TP63: variants seen among roughly 807,000 people sequenced by gnomAD.
TP63 encodes the protein tumor protein p63.
TP63 carries 17 observed loss-of-function variants against 82.8 expected under a neutral mutation model. The observed-to-expected ratio is 0.21, with a 90% CI of 0.14 to 0.31. The LOEUF is 0.31. Ranked by LOEUF, TP63 falls within the 10% of genes least tolerant of loss-of-function variation. The pLI is 1.00. For missense variants in TP63, 648 were observed against 895.3 expected, an observed-to-expected ratio of 0.72 and a Z score of 3.52; for synonymous variants, 330 against 321.7, an observed-to-expected ratio of 1.03 and a Z score of -0.28.
chr3:189,788,639 G>T (rs890853094), intron 3 of TP63, among the ~76,000 whole-genome samples: 9 of 151,912 alleles, frequency 5.9e-5, no homozygotes, highest in African/African-American at 2.2e-4. Context: ...CAAATACTCA[G>T]CAGTAAAGAG....
intron 4 of TP63, among the ~76,000 whole-genome samples, chr3:189,850,739 TA>T (rs1017674040): frequency 6.6e-6 from 1 of 151,918 alleles, no homozygotes; most frequent in Admixed American, 6.6e-5. Flanking sequence ...ATAATAAAAA[TA>T]AAAAAAATTT....
chr3:189,858,136 T>TTGGGCATTACA (rs1716530103), intron 4 of TP63, among the ~76,000 whole-genome samples: 1 of 73,948 alleles, frequency 1.4e-5, no homozygotes, highest in Admixed American at 1.0e-4. Context: ...CCGGGCGCGG[T>TTGGGCATTACA]GGCTCACGCC....
At chr3:189,645,282 C>A (rs565185267) in intron 1 of TP63, 3 of 421,722 alleles carry the variant, frequency 7.1e-6, no homozygotes, top group East Asian at 7.6e-5. Flanking sequence ...CTTCCACACA[C>A]CCTTTGGTCT....
chr3:189,807,641 A>G (rs571074942), intron 3 of TP63, among the ~76,000 whole-genome samples: 8 of 152,356 alleles, frequency 5.3e-5, no homozygotes, highest in African/African-American at 1.9e-4. Flanking sequence ...ATGATTTACT[A>G]GCATGTTACT....
intron 4 of TP63, among the ~76,000 whole-genome samples, chr3:189,810,546 C>G (rs916962136): frequency 6.6e-6 from 1 of 152,086 alleles, no homozygotes; most frequent in Middle Eastern, 3.2e-3. Flanking sequence ...CTGTCCCTTC[C>G]TCACTACCTC....
chr3:189,655,911 T>C (rs115184885), intron 1 of TP63, among the ~76,000 whole-genome samples: 2,075 of 152,214 alleles, frequency 0.014, 54 homozygotes, highest in African/African-American at 0.048. Context: ...ATACACAGAA[T>C]TTTTTCATAA....
In TP63 at chr3:189,759,848, A is replaced by G. The variant is rs181250560; in HGVS notation, c.324+21074A>G. Among the ~76,000 whole-genome samples the G allele has an allele frequency of 1.3e-3, 201 of 152,322 alleles. 1 individual carries two copies. Among genetic ancestry groups the G allele is most frequent in the African/African-American group, 4.4e-3 (185 of 41,574 alleles). On this transcript the variant is annotated intron_variant, in intron 3 of 13. Coordinates refer to ENST00000264731, the MANE Select transcript of TP63 (RefSeq NM_003722.5). ...CAAGACTGGGCAATTTACAAAAGAA[A>G]GAGGTTTATTGGACTTACAGTTCCA...
In TP63 at chr3:189,689,098, CTTTTTCTTTT is replaced by C. The variant is rs1233661326; in HGVS notation, c.63-48636_63-48627del. Among the ~76,000 whole-genome samples the C allele has an allele frequency of 2.4e-3, 205 of 85,120 alleles. 20 individuals are homozygous for C. The highest frequency in any genetic ancestry group is 7.1e-3 in the African/African-American group (164 of 23,174). The allele number at this position is 85,120 out of a possible 152,430, so 55.8% of individuals were successfully genotyped here. ...CAGAGTGGCCAGCATTCAAATCTAC[CTTTTTCTTTT>C]TTTTTTTTTTTTTTTTTTTTTTTTT... On this transcript the variant is annotated intron_variant, in intron 1 of 13. Coordinates refer to ENST00000264731, the MANE Select transcript of TP63 (RefSeq NM_003722.5).
At chr3:189,686,973 C>T (rs1279650937) in intron 1 of TP63, among the ~76,000 whole-genome samples, 1 of 152,082 alleles carries the variant, frequency 6.6e-6, no homozygotes, top group African/African-American at 2.4e-5. Flanking sequence ...TTGTGATCTA[C>T]CTGTCTCAGC....
intron 1 of TP63, among the ~76,000 whole-genome samples, chr3:189,650,610 C>T (rs1490458379): frequency 3.4e-5 from 5 of 147,268 alleles, no homozygotes; most frequent in Non-Finnish European, 1.5e-5. Flanking sequence ...GATGCATTTG[C>T]TTCCCATTCT....
chr3:189,635,986 C>A (rs1281399581), intron 1 of TP63, among the ~76,000 whole-genome samples: 1 of 152,116 alleles, frequency 6.6e-6, no homozygotes, highest in Admixed American at 6.6e-5. Flanking sequence ...CTAAGTTTCT[C>A]TGACTGAAAG....
intron 1 of TP63, 49 bp from the exon 2 acceptor site, chr3:189,737,691 G>A: frequency 6.3e-7 from 1 of 1,592,474 alleles, no homozygotes; most frequent in Non-Finnish European, 8.6e-7. Flanking sequence ...AATATTCAGT[G>A]TCATAAATAC....
intron 1 of TP63, among the ~76,000 whole-genome samples, chr3:189,705,103 A>C (rs1423869073): frequency 6.6e-6 from 1 of 152,240 alleles, no homozygotes; most frequent in East Asian, 1.9e-4. Flanking sequence ...TGTCATCATT[A>C]AAAATCCAAT....
chr3:189,770,601 T>C (rs66579885), intron 3 of TP63, among the ~76,000 whole-genome samples: 22,373 of 151,978 alleles, frequency 0.15, 1,931 homozygotes, highest in African/African-American at 0.24. Context: ...TATTAAGAAA[T>C]TTGCAGCAAA....
At chr3:189,619,499 C>T in the TP63 span, among the ~76,000 whole-genome samples, 2 of 152,216 alleles carry the variant, frequency 1.3e-5, no homozygotes, top group Non-Finnish European at 2.9e-5. Context: ...ACCACATTTT[C>T]AGTGGGCTGC....
intron 10 of TP63, among the ~76,000 whole-genome samples, chr3:189,879,347 G>A (rs1311487658): frequency 5.3e-5 from 8 of 152,172 alleles, no homozygotes; most frequent in Non-Finnish European, 7.3e-5. Flanking sequence ...TGGCATCCTC[G>A]TGGTGTAAAT....
In TP63 at chr3:189,893,254, A is replaced by G. The variant is rs143259082; in HGVS notation, c.1747-952A>G. ...ATGAGTCTATAGCATCTTTTGCCCT[A>G]TAAAGCAATTGTATCTCATTTTACC... On this transcript the variant is annotated intron_variant, in intron 13 of 13. Coordinates refer to ENST00000264731, the MANE Select transcript of TP63 (RefSeq NM_003722.5). Among the ~76,000 whole-genome samples the G allele has an allele frequency of 3.0e-4, 45 of 152,338 alleles. No homozygotes were observed. In the East Asian group the frequency reaches 3.9e-3, roughly 13 times the overall value.
rs757980197 is a variant in TP63, at chr3:189,677,265, TAC to T, written c.62+45700_62+45701del. 1.7e-3 allele frequency among the ~76,000 whole-genome samples: 259 copies of T among 148,742 alleles called. 1 individual carries two copies. The highest frequency in any genetic ancestry group is 5.4e-3 in the African/African-American group (220 of 40,770). ...TACATATAATGTGTACATATAGATATACACACACACACAGTGGAATACTACTA... is the reference window on the plus strand; with the variant it reads ...TACATATAATGTGTACATATAGATATACACACACACAGTGGAATACTACTA... On this transcript the variant is annotated intron_variant, in intron 1 of 13. Transcript: ENST00000264731.
intron 3 of TP63, among the ~76,000 whole-genome samples, chr3:189,751,874 T>G (rs1341691901): frequency 6.6e-6 from 1 of 152,194 alleles, no homozygotes; most frequent in African/African-American, 2.4e-5. Context: ...CTTTTGGTGT[T>G]TTAATCATGA....
Sources: gnomAD v4.1 joint callset for allele counts (sites outside exome capture counted in the v4.1 genomes callset) on GRCh38, gnomAD v4.1.1 for gene constraint, MANE v1.5 for transcripts, NCBI Gene and HGNC (gene_info 2026-07-23, HGNC 2026-07-21) for gene names.